Variants in ZNF385D observed in about 807,000 individuals in gnomAD.
The protein encoded by ZNF385D is zinc finger protein 385D.
In ZNF385D, 15 loss-of-function variants were observed where a neutral mutation model predicts 35.8. The ratio of observed to expected loss-of-function variants is 0.42; its 90% CI spans 0.28 to 0.64. The LOEUF (loss-of-function observed/expected upper bound fraction) is 0.64, where lower values mean the gene tolerates loss of function less well. ZNF385D is among the 30% of genes least tolerant of loss of function. The probability of loss-of-function intolerance (pLI) is 0.23; values close to 1 mark genes in which losing one functional copy is unlikely to be tolerated. For missense variants in ZNF385D, 474 were observed against 494.6 expected (o/e 0.96, Z 0.39); for synonymous variants, 212 against 186.8 (o/e 1.13, Z -1.10).
intron 2 of ZNF385D, among the ~76,000 whole-genome samples, chr3:22,312,966 A>G (rs1278799190): frequency 1.1e-3 from 167 of 149,058 alleles, no homozygotes; most frequent in East Asian, 6.1e-3. Context: ...TGTTTATTGC[A>G]GCACTATTCA....
chr3:21,501,591 A>G (rs1165977426), intron 4 of ZNF385D, among the ~76,000 whole-genome samples: 1 of 152,238 alleles, frequency 6.6e-6, no homozygotes, highest in Non-Finnish European at 1.5e-5. Context: ...ATTGGAGACA[A>G]AATTCTCTAA....
chr3:21,890,211 T>C (rs975565422), intron 3 of ZNF385D, among the ~76,000 whole-genome samples: 1 of 152,086 alleles, frequency 6.6e-6, no homozygotes, highest in African/African-American at 2.4e-5. Context: ...ATAATTGATG[T>C]ATAGAGGGAG....
intron 3 of ZNF385D, among the ~76,000 whole-genome samples, chr3:22,113,188 G>T (rs932081808): frequency 6.6e-6 from 1 of 151,996 alleles, no homozygotes; most frequent in African/African-American, 2.4e-5. Flanking sequence ...TGGGCTATGG[G>T]CCTTTGCAGT....
intron 3 of ZNF385D, among the ~76,000 whole-genome samples, chr3:22,025,187 C>A (rs1697462046): frequency 6.6e-6 from 1 of 152,112 alleles, no homozygotes; most frequent in African/African-American, 2.4e-5. Flanking sequence ...GGCAACATAC[C>A]CTCCTCACCC....
chr3:21,949,335 C>G lies in ZNF385D; in HGVS notation c.325+219482G>C, dbSNP rs192712758. 1.2e-3 allele frequency among the ~76,000 whole-genome samples: 185 copies of G among 152,214 alleles called. 1 individual carries two copies. Among genetic ancestry groups the G allele is most frequent in the Admixed American group, 0.011 (170 of 15,268 alleles). The stretch of plus-strand genomic sequence containing the variant: ...GTGCACACATTAGAAATGCTTTCCA[C>G]TTGAGAACCTGTGTTTCATCCTCCA... On this transcript the variant is annotated intron_variant, in intron 3 of 5. Transcript: ENST00000494108.
intron 3 of ZNF385D, among the ~76,000 whole-genome samples, chr3:21,849,361 T>C (rs3849555): frequency 0.07 from 10,681 of 152,150 alleles, 543 homozygotes; most frequent in East Asian, 0.2. Context: ...CTAATTTAAA[T>C]ATTTATACAA....
intron 6 of ZNF385D, among the ~76,000 whole-genome samples, chr3:21,425,176 C>T (rs59308734): frequency 0.023 from 3,454 of 152,230 alleles, 129 homozygotes; most frequent in African/African-American, 0.07. Context: ...GTGGAAAATC[C>T]GGTAGAGAAA....
intron 3 of ZNF385D, among the ~76,000 whole-genome samples, chr3:21,934,953 T>C (rs1701189626): frequency 6.6e-6 from 1 of 152,212 alleles, no homozygotes; most frequent in African/African-American, 2.4e-5. Flanking sequence ...TCTTAGTTGA[T>C]GTGAGTAAGA....
At chr3:21,564,400 AAACAT>A (rs1025941440) in intron 3 of ZNF385D, among the ~76,000 whole-genome samples, 169 bp downstream of exon 3, 5 of 152,252 alleles carry the variant, frequency 3.3e-5, no homozygotes, top group African/African-American at 9.6e-5. Context: ...GTAAACAACC[AAACAT>A]AACATAATAA....
chr3:21,779,063 A>C (rs2071397548), intron 3 of ZNF385D, among the ~76,000 whole-genome samples: 1 of 151,986 alleles, frequency 6.6e-6, no homozygotes. Context: ...ACATAAAGGT[A>C]CACTGTTCTT....
rs1343589112 is a variant in ZNF385D at position 22,282,318 on chromosome 3, C to T, written c.106+90132G>A. ...GTTTCTGTAGCTCCTTGAAATGTGA[C>T]CTTAGATTGTCTATTTGAGCTCTTT... is the stretch of plus-strand genomic sequence containing the variant. On this transcript the variant is annotated intron_variant, in intron 2 of 5. Coordinates refer to the ZNF385D transcript ENST00000494108. Among the ~76,000 whole-genome samples the T allele has an allele frequency of 5.9e-5, 9 of 151,930 alleles. No homozygotes were observed. The East Asian group carries it at 1.7e-3, about 30-fold the overall frequency.
chr3:21,838,598 G>A (rs1271274312), intron 3 of ZNF385D, among the ~76,000 whole-genome samples: 1 of 152,062 alleles, frequency 6.6e-6, no homozygotes, highest in Non-Finnish European at 1.5e-5. Context: ...CAAAGTGATG[G>A]AAAAGAGAAG....
At chr3:21,840,426 T>C (rs1043533863) in intron 3 of ZNF385D, among the ~76,000 whole-genome samples, 2 of 152,110 alleles carry the variant, frequency 1.3e-5, no homozygotes, top group Admixed American at 6.6e-5. Flanking sequence ...TGCTTCCTAT[T>C]CCCTGATATC....
intron 1 of ZNF385D, among the ~76,000 whole-genome samples, chr3:21,750,469 A>C (rs2070012390): frequency 6.6e-6 from 1 of 152,228 alleles, no homozygotes; most frequent in Non-Finnish European, 1.5e-5. Flanking sequence ...CAGAACAAGA[A>C]AAACCAGCAA....
intron 2 of ZNF385D, among the ~76,000 whole-genome samples, chr3:22,295,327 G>A (rs988488785): frequency 3.3e-5 from 5 of 152,106 alleles, no homozygotes; most frequent in Non-Finnish European, 5.9e-5. Flanking sequence ...AAACACATGA[G>A]ATGTAGAATA....
At chr3:21,628,609 T>TG (rs1319664393) in intron 2 of ZNF385D, among the ~76,000 whole-genome samples, 1 of 152,124 alleles carries the variant, frequency 6.6e-6, no homozygotes, top group Admixed American at 6.6e-5. Flanking sequence ...TGTCAATTGT[T>TG]GCTAAATTCC....
intron 3 of ZNF385D, among the ~76,000 whole-genome samples, chr3:21,776,190 A>G (rs1269044500): frequency 6.6e-6 from 1 of 151,902 alleles, no homozygotes; most frequent in Non-Finnish European, 1.5e-5. Flanking sequence ...GATATTTTCC[A>G]AATTTTCATT....
At chr3:22,357,122 T>C (rs1047869691) in intron 2 of ZNF385D, among the ~76,000 whole-genome samples, 1 of 151,968 alleles carries the variant, frequency 6.6e-6, no homozygotes, top group Non-Finnish European at 1.5e-5. Context: ...ATAGTACTTT[T>C]CCTGTCTTAA....
chr3:22,313,722 C>T lies in ZNF385D; in HGVS notation c.106+58728G>A, dbSNP rs186498586. Among the ~76,000 whole-genome samples, 710 of 152,210 alleles carry T rather than the reference C, an allele frequency of 4.7e-3. 9 individuals are homozygous for T. Among genetic ancestry groups the T allele is most frequent in the Non-Finnish European group, 5.3e-3 (357 of 68,000 alleles). On this transcript the variant is annotated intron_variant, in intron 2 of 5. Transcript: ENST00000494108. ...TAGGGCAGAGTCAGAATATCCTCAA[C>T]GGCTGTTACTACAGAAAGTGATTTT...
Sources: gnomAD v4.1 joint callset for allele counts (sites outside exome capture counted in the v4.1 genomes callset) on GRCh38, gnomAD v4.1.1 for gene constraint, MANE v1.5 for transcripts, NCBI Gene and HGNC (gene_info 2026-07-23, HGNC 2026-07-21) for gene names.